The following CD5L variants were observed in gnomAD, a reference collection of about 807,000 sequenced individuals.
CD5L encodes the protein CD5 molecule like.
CD5L carries 39 observed loss-of-function variants against 40.8 expected under a neutral mutation model. That is an observed-to-expected ratio of 0.96 (90% CI 0.74 to 1.25). The LOEUF (loss-of-function observed/expected upper bound fraction) is 1.25, where lower values mean the gene tolerates loss of function less well. Among genes scored for constraint, CD5L ranks in the 50% most tolerant of loss-of-function variants. The probability of loss-of-function intolerance (pLI) is 0.00; values close to 1 mark genes in which losing one functional copy is unlikely to be tolerated. For missense variants in CD5L, 433 were observed against 435.9 expected, an observed-to-expected ratio of 0.99 and a Z score of 0.06; for synonymous variants, 192 against 169.6, an observed-to-expected ratio of 1.13 and a Z score of -1.03.
intron 3 of CD5L, among the ~76,000 whole-genome samples, chr1:157,835,422 A>G (rs1298444201): frequency 1.3e-5 from 2 of 152,228 alleles, no homozygotes; most frequent in African/African-American, 4.8e-5. Context: ...TCTCCTTTCT[A>G]CCTGATTAGA....
intron 4 of CD5L, 69 bp from the exon 5 acceptor site, chr1:157,833,581 T>C: frequency 8.2e-7 from 1 of 1,225,288 alleles, no homozygotes; most frequent in Non-Finnish European, 1.1e-6. Flanking sequence ...AGATCATTTA[T>C]TTTTAAAATT....
chr1:157,833,188 T>C lies in CD5L; in HGVS notation c.1039+4A>G. 2.5e-6 allele frequency: 4 copies of C among 1,608,576 alleles called. No individual in the cohort carries two copies. Among genetic ancestry groups the C allele is most frequent in the Non-Finnish European group, 3.4e-6 (4 of 1,176,156 alleles). ...CCCTTATGAACTCCATCTGTAGGAC[T>C]CACCTGAGCAGATGACAGCCACATC... On this transcript the variant is annotated splice_donor_region_variant and intron_variant, in intron 5 of 5. Coordinates refer to ENST00000368174, the MANE Select transcript of CD5L (RefSeq NM_005894.3).
At chr1:157,827,502 C>T (rs186756641), downstream of CD5L, among the ~76,000 whole-genome samples, 2 of 152,202 alleles carry the variant, frequency 1.3e-5, no homozygotes, top group African/African-American at 2.4e-5. Flanking sequence ...AGTATAAGTC[C>T]CAGTCCAAGG....
At chr1:157,839,561 G>C in intron 1 of CD5L, 151 bp from the exon 2 acceptor site, 1 of 730,440 alleles carries the variant, frequency 1.4e-6, no homozygotes, top group Non-Finnish European at 2.2e-6. Flanking sequence ...CTTCTTCTGG[G>C]ATGACCATCC....
chr1:157,828,201 C>T (rs938916631), downstream of CD5L, among the ~76,000 whole-genome samples: 7 of 152,078 alleles, frequency 4.6e-5, no homozygotes, highest in African/African-American at 9.7e-5. Context: ...GACAGTGGGA[C>T]CTCAGAAGGG....
chr1:157,838,813 A>G (rs1656288420), intron 2 of CD5L, among the ~76,000 whole-genome samples: 1 of 152,114 alleles, frequency 6.6e-6, no homozygotes, highest in South Asian at 2.1e-4. Context: ...AGGATAATAT[A>G]CAAGAAACTG....
rs1656144209 is a variant in CD5L at position 157,834,577 on chromosome 1, C to T, written c.548G>A (p.Arg183Lys). 2 of 1,614,194 alleles carry T rather than the reference C, an allele frequency of 1.2e-6. No homozygotes were observed. Among genetic ancestry groups the T allele is most frequent in the Non-Finnish European group, 1.7e-6 (2 of 1,180,042 alleles). The change falls in exon 4 of 6, where the codon AGG (arginine) becomes AAG (lysine). Residue 183 changes from arginine (R) to lysine (K), a missense_variant. Coordinates refer to ENST00000368174, the MANE Select transcript of CD5L (RefSeq NM_005894.3). ...KVVCRQLGCG[R>K]AVLTQKRCNK... The stretch of plus-strand genomic sequence containing the variant: ...GCAGCGTTTTTGAGTCAGTACAGCC[C>T]TCCCACATCCCAGCTGCCGGCACAC...
intron 2 of CD5L, among the ~76,000 whole-genome samples, chr1:157,837,035 T>C (rs1009325754): frequency 6.6e-6 from 1 of 152,100 alleles, no homozygotes; most frequent in African/African-American, 2.4e-5. Flanking sequence ...GGCAAGTGAA[T>C]TTCTTGAGGT....
At chr1:157,829,127 T>A (rs2765495), downstream of CD5L, among the ~76,000 whole-genome samples, 56,194 of 151,866 alleles carry the variant, frequency 0.37, 12,406 homozygotes, top group Non-Finnish European at 0.48. Flanking sequence ...GTGACGGCAA[T>A]GGGTTGTTAG....
In CD5L at chr1:157,836,046, A is replaced by G; in HGVS notation, c.165T>C (p.Ile55=). ...WGTVCDDGWD[I]KDVAVLCREL... is the part of the protein sequence containing the mutation. ...CCCGGCACAACACAGCCACGTCCTT[A>G]ATGTCCCAGCCGTCATCACACACGG... is the stretch of plus-strand genomic sequence containing the variant. The change falls in exon 3 of 6, where the codon ATT becomes ATC. Residue 55 remains isoleucine, a synonymous_variant. Transcript: ENST00000368174. The G allele has an allele frequency of 6.2e-7, 1 of 1,614,070 alleles. No individual in the cohort carries two copies. Among genetic ancestry groups the G allele is most frequent in the Non-Finnish European group, 8.5e-7 (1 of 1,180,020 alleles).
At chr1:157,840,077 T>G (rs1250550977) in intron 1 of CD5L, among the ~76,000 whole-genome samples, 1 of 152,216 alleles carries the variant, frequency 6.6e-6, no homozygotes, top group Non-Finnish European at 1.5e-5. Flanking sequence ...TTTTCATGTG[T>G]CATAAAATAG....
chr1:157,839,952 G>A (rs1656320126), intron 1 of CD5L, among the ~76,000 whole-genome samples: 1 of 152,200 alleles, frequency 6.6e-6, no homozygotes, highest in African/African-American at 2.4e-5. Context: ...AGTGTCTGTT[G>A]CAACCACTCA....
rs765961173 is a variant in CD5L, at chr1:157,836,067, C to T, written c.144G>A (p.Val48=). 33 of 1,614,050 alleles carry T rather than the reference C, an allele frequency of 2.0e-5. No individual in the cohort carries two copies. In the Admixed American group the frequency reaches 5.3e-4, roughly 26 times the overall value. Residue 48 remains valine, a synonymous_variant, in exon 3 of 6, where the codon GTG becomes GTA. Coordinates refer to ENST00000368174, the MANE Select transcript of CD5L (RefSeq NM_005894.3). The part of the protein sequence containing the change: ...EVEQKGQWGT[V]CDDGWDIKDV... ...CCTTAATGTCCCAGCCGTCATCACA[C>T]ACGGTGCCCCACTGGCCTTTCTGTT...
chr1:157,841,543 A>C, intron 1 of CD5L, 131 bp downstream of exon 1: 1 of 724,268 alleles, frequency 1.4e-6, no homozygotes, highest in Admixed American at 2.9e-5. Context: ...TAGTTACCAA[A>C]TGTAAAAAGG....
chr1:157,839,841 G>A (rs1345286545), intron 1 of CD5L, among the ~76,000 whole-genome samples: 3 of 152,156 alleles, frequency 2.0e-5, no homozygotes, highest in Non-Finnish European at 2.9e-5. Context: ...GGGCAAAGGG[G>A]CAGGATATGC....
At chr1:157,830,398 C>T (rs1216742471), downstream of CD5L, among the ~76,000 whole-genome samples, 1 of 152,126 alleles carries the variant, frequency 6.6e-6, no homozygotes, top group Non-Finnish European at 1.5e-5. Context: ...AAACCTAGTG[C>T]TTTAAGAATG....
intron 1 of CD5L, among the ~76,000 whole-genome samples, chr1:157,840,662 G>C (rs1194330179): frequency 6.6e-6 from 1 of 152,166 alleles, no homozygotes; most frequent in Non-Finnish European, 1.5e-5. Context: ...GTGAAGGAAA[G>C]TGAGCATGGC....
At chr1:157,835,466 A>T (rs559203073) in intron 3 of CD5L, among the ~76,000 whole-genome samples, 1 of 152,338 alleles carries the variant, frequency 6.6e-6, no homozygotes, top group Non-Finnish European at 1.5e-5. Flanking sequence ...ACTATTTTTT[A>T]AAAAGCATAC....
chr1:157,827,861 G>A (rs1011591460), downstream of CD5L, among the ~76,000 whole-genome samples: 1 of 152,126 alleles, frequency 6.6e-6, no homozygotes, highest in Non-Finnish European at 1.5e-5. Context: ...ACATAAGGTG[G>A]GGTCCAGAGG....
Sources: allele counts gnomAD v4.1 joint callset (sites outside exome capture counted in the v4.1 genomes callset), GRCh38; gene constraint gnomAD v4.1.1; transcripts MANE v1.5; gene names NCBI Gene and HGNC (gene_info 2026-07-23, HGNC 2026-07-21).